TMEM98: variants seen among roughly 807,000 people sequenced by gnomAD.
TMEM98 encodes the protein transmembrane protein 98.
A neutral mutation model predicts 25.0 loss-of-function variants in TMEM98; 18 were observed. The ratio of observed to expected loss-of-function variants is 0.72; its 90% confidence interval spans 0.50 to 1.07. TMEM98 has a LOEUF of 1.07. Among genes scored for constraint, TMEM98 ranks in the 50% least tolerant of loss-of-function variants. TMEM98 has a pLI of 0.00. For missense variants in TMEM98, 241 were observed against 289.0 expected (o/e 0.83, Z 1.20); for synonymous variants, 103 against 112.4 (o/e 0.92, Z 0.53).
chr17:32,932,417 T>C (rs1461332544), intron 3 of TMEM98, among the ~76,000 whole-genome samples: 56 of 152,144 alleles, frequency 3.7e-4, no homozygotes, highest in Admixed American at 3.6e-3. Flanking sequence ...GCAGATTTCT[T>C]TGTGATGCAT....
At position 32,940,889 on chromosome 17, in the gene TMEM98, G is replaced by T. The variant is rs587777690; in HGVS notation, c.577G>T (p.Ala193Ser). Residue 193 changes from alanine to serine, a missense_variant, in exon 8 of 8, where the codon GCT becomes TCT. By Grantham distance (99) the Ala-to-Ser change is moderately conservative. Coordinates refer to ENST00000579849, the MANE Select transcript of TMEM98 (RefSeq NM_015544.3). The part of the protein sequence containing the change: ...LDWIDQSLSA[A>S]EEHLEVLREA... ...CTGGATTGACCAGTCTCTGTCGGCT[G>T]CTGAGGAGCATTTGGAAGTCCTTCG... is the stretch of plus-strand genomic sequence containing the variant. 1 of 1,614,198 alleles carries T rather than the reference G, an allele frequency of 6.2e-7. No individual in the cohort carries two copies. Among genetic ancestry groups the T allele is most frequent in the Admixed American group, 1.7e-5 (1 of 60,024 alleles).
rs2091535903 is a variant in TMEM98, at chr17:32,942,441, C to G, written c.*1448C>G. 6.6e-6 allele frequency: 1 copy of G among 152,224 alleles called. No individual in the cohort carries two copies. Among genetic ancestry groups the G allele is most frequent in the South Asian group, 2.1e-4 (1 of 4,834 alleles). 9.4% of individuals were successfully genotyped at this position (152,224 alleles called of 1,614,324 possible). A position where few individuals can be genotyped will look rare whatever the true frequency, so the allele number is the denominator to read the frequency against. On this transcript the variant is annotated 3_prime_UTR_variant, in exon 8 of 8. Coordinates refer to ENST00000579849, the MANE Select transcript of TMEM98 (RefSeq NM_015544.3). ...TTCCCATGTCATTTTCTCTGTCTAA[C>G]TGAAGTCAGAAAATTCCTCAGCTGG... is the stretch of plus-strand genomic sequence containing the variant.
intron 1 of TMEM98, among the ~76,000 whole-genome samples, chr17:32,928,798 AACAC>A (rs540657312): frequency 6.8e-6 from 1 of 146,638 alleles, no homozygotes; most frequent in Non-Finnish European, 1.5e-5. Flanking sequence ...CACACTCAGA[AACAC>A]ACGCACTCAG....
rs766286791 is a variant in TMEM98, at chr17:32,936,349, A to G, written c.315A>G (p.Thr105=). Residue 105 remains threonine (T), a synonymous_variant, in exon 6 of 8, where the codon ACA becomes ACG. Coordinates refer to ENST00000579849, the MANE Select transcript of TMEM98 (RefSeq NM_015544.3). The stretch of plus-strand genomic sequence containing the variant: ...CGCATTAGATTTGTCACACTCTGAC[A>G]GAGAAGCTTGTTGCCATGACAATGG... The part of the protein sequence containing the change: ...IAILKICHTL[T]EKLVAMTMGS... 4.3e-5 allele frequency: 69 copies of G among 1,614,012 alleles called. No individual in the cohort carries two copies. The highest frequency in any genetic ancestry group is 5.8e-5 in the Non-Finnish European group (69 of 1,179,992).
rs147259637 is a variant in TMEM98 at position 32,930,661 on chromosome 17, G to A, written c.-130-666G>A. Among the ~76,000 whole-genome samples the A allele has an allele frequency of 4.6e-5, 7 of 152,302 alleles. No homozygotes were observed. The East Asian group carries it at 1.3e-3, about 29-fold the overall frequency. On this transcript the variant is annotated intron_variant, in intron 1 of 7. Coordinates refer to ENST00000579849, the MANE Select transcript of TMEM98 (RefSeq NM_015544.3). The stretch of plus-strand genomic sequence containing the variant: ...GTAAGTGGATGGCTTTCCATCTCCT[G>A]ACTGCATATTGGAAAAATTCTGTAA...
intron 1 of TMEM98, 136 bp from the exon 2 acceptor site, chr17:32,931,191 T>G (rs1020674267): frequency 1.8e-5 from 4 of 228,164 alleles, no homozygotes; most frequent in South Asian, 6.3e-5. Flanking sequence ...GTGACAGAGC[T>G]AGACTCCATC....
intron 4 of TMEM98, 62 bp from the exon 5 acceptor site, chr17:32,934,229 G>T (rs2091484085): frequency 1.9e-6 from 3 of 1,589,170 alleles, no homozygotes; most frequent in Non-Finnish European, 2.6e-6. Flanking sequence ...AAGCAAGGGT[G>T]GGAGCTGGAG....
chr17:32,934,108 G>T (rs1376899183), intron 4 of TMEM98, among the ~76,000 whole-genome samples, 183 bp from the exon 5 acceptor site: 7 of 152,312 alleles, frequency 4.6e-5, no homozygotes, highest in African/African-American at 1.7e-4. Context: ...GAGGGGAAGG[G>T]AAGGGAGGTG....
intron 5 of TMEM98, 144 bp from the exon 6 acceptor site, chr17:32,936,188 C>T (rs1319968779): frequency 2.1e-5 from 13 of 629,598 alleles, no homozygotes; most frequent in African/African-American, 1.7e-4. Flanking sequence ...CGTTTCCTCT[C>T]ATCTCTGTAC....
At chr17:32,938,802 T>G (rs2151114367) in intron 6 of TMEM98, among the ~76,000 whole-genome samples, 1 of 152,356 alleles carries the variant, frequency 6.6e-6, no homozygotes, top group East Asian at 1.9e-4. Context: ...CTCCAGATCC[T>G]TCCCAACCCC....
chr17:32,939,375 C>G (rs2091515433), intron 6 of TMEM98, 102 bp from the exon 7 acceptor site: 3 of 1,293,676 alleles, frequency 2.3e-6, no homozygotes, highest in East Asian at 5.0e-5. Flanking sequence ...CCACTGCACT[C>G]CAGCCTGGGT....
chr17:32,930,811 C>T (rs1008008348), intron 1 of TMEM98: 1 of 152,222 alleles, frequency 6.6e-6, no homozygotes, highest in Non-Finnish European at 1.5e-5. Flanking sequence ...AATACAGTTT[C>T]ATCTTTCCTC....
chr17:32,936,359 G>C lies in TMEM98; in HGVS notation c.325G>C (p.Val109Leu). The change falls in exon 6 of 8, where the codon GTT (valine) becomes CTT (leucine). Residue 109 changes from valine (V) to leucine (L), a missense_variant. By Grantham distance (32) the Val-to-Leu change is conservative. Coordinates refer to ENST00000579849, the MANE Select transcript of TMEM98 (RefSeq NM_015544.3). Reference sequence around the variant, plus strand: ...TTGTCACACTCTGACAGAGAAGCTTGTTGCCATGACAATGGGCTCTGGGGC... The same window carrying C: ...TTGTCACACTCTGACAGAGAAGCTTCTTGCCATGACAATGGGCTCTGGGGC... The part of the protein sequence containing the change: ...KICHTLTEKL[V>L]AMTMGSGAKM... 2 of 1,614,182 alleles carry C rather than the reference G, an allele frequency of 1.2e-6. No individual in the cohort carries two copies. The highest frequency in any genetic ancestry group is 1.7e-6 in the Non-Finnish European group (2 of 1,180,018).
At chr17:32,939,090 G>A (rs1364271320) in intron 6 of TMEM98, among the ~76,000 whole-genome samples, 2 of 152,202 alleles carry the variant, frequency 1.3e-5, no homozygotes, top group Admixed American at 1.3e-4. Flanking sequence ...TACCAAAAAA[G>A]AAGAACTGGA....
chr17:32,933,139 C>T, intron 3 of TMEM98, 35 bp from the exon 4 acceptor site: 1 of 1,612,432 alleles, frequency 6.2e-7, no homozygotes, highest in Non-Finnish European at 8.5e-7. Context: ...CGGTCACCCA[C>T]CATGAAACCA....
In TMEM98 at chr17:32,930,291, C is replaced by T. The variant is rs191056796; in HGVS notation, c.-130-1036C>T. On this transcript the variant is annotated intron_variant, in intron 1 of 7. Transcript: ENST00000579849. ...TGAGTTTAAAATAGGTGTGAAAGAC[C>T]CCGTTCTTCAGTTCCTCTCTCCAGA... Among the ~76,000 whole-genome samples, 501 of 152,164 alleles carry T rather than the reference C, an allele frequency of 3.3e-3. 8 individuals are homozygous for T. Among genetic ancestry groups the T allele is most frequent in the Non-Finnish European group, 5.4e-4 (37 of 68,002 alleles).
chr17:32,929,139 A>C (rs2091451360), intron 1 of TMEM98, among the ~76,000 whole-genome samples: 1 of 152,020 alleles, frequency 6.6e-6, no homozygotes, highest in Non-Finnish European at 1.5e-5. Context: ...ACACAAGCAC[A>C]TTCAGAAAAC....
At chr17:32,936,270 G>C in intron 5 of TMEM98, 62 bp from the exon 6 acceptor site, 1 of 1,342,208 alleles carries the variant, frequency 7.5e-7, no homozygotes, top group Non-Finnish European at 1.1e-6. Context: ...TGTCTCGTGG[G>C]GGTGGCGAGG....
rs2091537117 is a variant in TMEM98, at chr17:32,942,759, C to G, written c.*1766C>G. ...TGGTGAACTTTCCCGTCCTGTCAAG[C>G]TGTGAATGGGGAATGTATACAAAGT... On this transcript the variant is annotated 3_prime_UTR_variant, in exon 8 of 8. Coordinates refer to ENST00000579849, the MANE Select transcript of TMEM98 (RefSeq NM_015544.3). 8 of 152,326 alleles carry G rather than the reference C, an allele frequency of 5.3e-5. No homozygotes were observed. The South Asian group carries it at 1.7e-3, about 32-fold the overall frequency. The allele number at this position is 152,326 out of a possible 1,614,324, so 9.4% of individuals were successfully genotyped here. A position where few individuals can be genotyped will look rare whatever the true frequency, so the allele number is the denominator to read the frequency against.
Sources: gnomAD v4.1 joint callset for allele counts (sites outside exome capture counted in the v4.1 genomes callset) on GRCh38, gnomAD v4.1.1 for gene constraint, MANE v1.5 for transcripts, NCBI Gene and HGNC (gene_info 2026-07-23, HGNC 2026-07-21) for gene names.